The following ZNF131 variants were observed in gnomAD, a reference collection of about 807,000 sequenced individuals.
The protein encoded by ZNF131 is zinc finger protein 131.
ZNF131 carries 7 observed loss-of-function variants against 60.0 expected under a neutral mutation model. The ratio of observed to expected loss-of-function variants is 0.12; its 90% CI spans 0.07 to 0.22. The LOEUF is 0.22. Ranked by LOEUF, ZNF131 falls within the 10% of genes least tolerant of loss-of-function variation. The pLI is 1.00. For synonymous variants in ZNF131, 257 were observed against 253.2 expected (o/e 1.01, Z -0.14); for missense variants, 493 against 740.9 (o/e 0.67, Z 3.88).
At chr5:43,139,442 AT>A in intron 4 of ZNF131, 133 bp downstream of exon 4, 1 of 1,014,184 alleles carries the variant, frequency 9.9e-7, no homozygotes, top group African/African-American at 1.7e-5. Context: ...TTAAGGATCT[AT>A]TAAAAAATTT....
chr5:43,121,374 C>G (rs1464158829), intron 1 of ZNF131: 1 of 152,980 alleles, frequency 6.5e-6, no homozygotes, highest in Non-Finnish European at 1.5e-5. Flanking sequence ...TCTCAGAGAG[C>G]AAGCCCTCGC....
intron 4 of ZNF131, among the ~76,000 whole-genome samples, chr5:43,155,748 G>A (rs1382102502): frequency 4.6e-5 from 7 of 152,184 alleles, no homozygotes; most frequent in Non-Finnish European, 1.0e-4. Context: ...AGGAGGATAG[G>A]AGAAGAAACA....
chr5:43,152,173 T>C (rs1402923233), intron 4 of ZNF131, among the ~76,000 whole-genome samples: 1 of 152,060 alleles, frequency 6.6e-6, no homozygotes, highest in African/African-American at 2.4e-5. Context: ...GAGCTAACTT[T>C]TGTGTTTTTA....
chr5:43,157,426 C>G (rs965376052), intron 4 of ZNF131, among the ~76,000 whole-genome samples: 1 of 152,278 alleles, frequency 6.6e-6, no homozygotes, highest in South Asian at 2.1e-4. Context: ...GAGGCAGAAC[C>G]TTCTGTCCCA....
chr5:43,172,484 T>C (rs988739134), intron 5 of ZNF131, among the ~76,000 whole-genome samples: 9 of 152,132 alleles, frequency 5.9e-5, no homozygotes, highest in African/African-American at 2.2e-4. Context: ...TAGCCGGGCG[T>C]GCTGGCGCAC....
At chr5:43,137,813 A>C (rs535915498) in intron 3 of ZNF131, among the ~76,000 whole-genome samples, 1 of 152,366 alleles carries the variant, frequency 6.6e-6, no homozygotes, top group East Asian at 1.9e-4. Flanking sequence ...AGTAGCCACG[A>C]GAGGAAATAA....
At chr5:43,130,728 C>T (rs1230638208) in intron 3 of ZNF131, among the ~76,000 whole-genome samples, 1 of 150,948 alleles carries the variant, frequency 6.6e-6, no homozygotes, top group African/African-American at 2.4e-5. Flanking sequence ...CCATGCCCAA[C>T]TCATTTTTTG....
At chr5:43,157,352 C>G (rs1340547006) in intron 4 of ZNF131, among the ~76,000 whole-genome samples, 1 of 152,190 alleles carries the variant, frequency 6.6e-6, no homozygotes, top group African/African-American at 2.4e-5. Flanking sequence ...CTGCCTATAG[C>G]AATCGCAAAT....
Position 43,139,145 on chromosome 5 carries a change from A to G in ZNF131, c.227-20A>G, listed in dbSNP as rs764686905. 6.4e-7 allele frequency: 1 copy of G among 1,563,574 alleles called. No individual in the cohort carries two copies. The highest frequency in any genetic ancestry group is 8.6e-7 in the Non-Finnish European group (1 of 1,157,082). ...TTGAGTCAATATGATTACATGCTCT[A>G]ATGTACATCTTCTTTACAGGTGTTA... On this transcript the variant is annotated intron_variant, in intron 3 of 6. Transcript: ENST00000682664.
intron 3 of ZNF131, among the ~76,000 whole-genome samples, chr5:43,132,834 T>C (rs927738183): frequency 3.9e-5 from 6 of 152,202 alleles, no homozygotes; most frequent in Admixed American, 3.9e-4. Flanking sequence ...TTTACACAAA[T>C]AGAGGATACT....
intron 3 of ZNF131, among the ~76,000 whole-genome samples, chr5:43,135,487 G>T (rs1745961914): frequency 6.6e-6 from 1 of 150,940 alleles, no homozygotes; most frequent in East Asian, 2.0e-4. Flanking sequence ...AGTGGCTCAC[G>T]CCTGTAATCC....
intron 4 of ZNF131, chr5:43,143,658 G>A (rs1186136490): frequency 5.5e-6 from 1 of 182,666 alleles, no homozygotes; most frequent in African/African-American, 2.4e-5. Flanking sequence ...ACTGATCATT[G>A]GACAGAAATT....
At chr5:43,126,101 T>C (rs1445950841) in intron 3 of ZNF131, among the ~76,000 whole-genome samples, 2 of 152,226 alleles carry the variant, frequency 1.3e-5, no homozygotes, top group Non-Finnish European at 1.5e-5. Flanking sequence ...CCTGGGCATA[T>C]AGTTAGTTAG....
intron 5 of ZNF131, among the ~76,000 whole-genome samples, chr5:43,166,011 T>C (rs896159250): frequency 6.6e-6 from 1 of 152,256 alleles, no homozygotes; most frequent in Non-Finnish European, 1.5e-5. Context: ...TAACCTCTTC[T>C]AGCTTCTGCC....
intron 5 of ZNF131, among the ~76,000 whole-genome samples, chr5:43,169,916 G>A (rs771353827): frequency 6.6e-6 from 1 of 151,358 alleles, no homozygotes; most frequent in Non-Finnish European, 1.5e-5. Context: ...TCAGCCTCCC[G>A]AGTAGCTGGG....
intron 4 of ZNF131, among the ~76,000 whole-genome samples, chr5:43,150,767 A>T (rs1748203954): frequency 6.6e-6 from 1 of 152,022 alleles, no homozygotes; most frequent in South Asian, 2.1e-4. Flanking sequence ...ACAAGAGTGA[A>T]ACTCTGTCCC....
intron 3 of ZNF131, among the ~76,000 whole-genome samples, chr5:43,128,225 T>C (rs1744807910): frequency 1.3e-5 from 2 of 152,246 alleles, no homozygotes; most frequent in South Asian, 4.1e-4. Flanking sequence ...GTTACCAAAC[T>C]AGTCTTGATA....
At chr5:43,144,091 A>G (rs1279693436) in intron 4 of ZNF131, among the ~76,000 whole-genome samples, 2 of 142,190 alleles carry the variant, frequency 1.4e-5, no homozygotes, top group Non-Finnish European at 3.1e-5. Flanking sequence ...CCCAGCTAAT[A>G]TTTTGTATTT....
intron 5 of ZNF131, among the ~76,000 whole-genome samples, chr5:43,169,531 G>A (rs931306550): frequency 1.3e-5 from 2 of 152,160 alleles, no homozygotes; most frequent in African/African-American, 4.8e-5. Context: ...CGGTAGTACG[G>A]CATTATGCCA....
Sources: gnomAD v4.1 joint callset for allele counts (sites outside exome capture counted in the v4.1 genomes callset) on GRCh38, gnomAD v4.1.1 for gene constraint, MANE v1.5 for transcripts, NCBI Gene and HGNC (gene_info 2026-07-23, HGNC 2026-07-21) for gene names.